The following CLCA1 variants were observed in gnomAD, a reference collection of about 807,000 sequenced individuals.
CLCA1 encodes calcium-activated chloride channel regulator 1.
CLCA1 carries 59 observed loss-of-function variants against 85.6 expected under a neutral mutation model. The observed-to-expected ratio is 0.69, with a 90% CI of 0.56 to 0.86. The LOEUF (loss-of-function observed/expected upper bound fraction) is 0.86, where lower values mean the gene tolerates loss of function less well. Among genes scored for constraint, CLCA1 ranks in the 40% least tolerant of loss-of-function variants. The probability of loss-of-function intolerance (pLI) is 0.00; values close to 1 mark genes in which losing one functional copy is unlikely to be tolerated. For missense variants in CLCA1, 1,022 were observed against 1,101.4 expected (o/e 0.93, Z 1.02); for synonymous variants, 396 against 398.3 (o/e 0.99, Z 0.07).
chr1:86,472,785 T>G, intron 1 of CLCA1, among the ~76,000 whole-genome samples: 1 of 151,978 alleles, frequency 6.6e-6, no homozygotes, highest in East Asian at 1.9e-4. Context: ...AAAAGAAAAA[T>G]GAATCAATAA....
At chr1:86,485,606 T>A (rs765452352) in intron 6 of CLCA1, 45 bp downstream of exon 6, 3 of 1,553,814 alleles carry the variant, frequency 1.9e-6, no homozygotes, top group South Asian at 1.1e-5. Flanking sequence ...GTCACAGATA[T>A]GCATGTTCTG....
intron 4 of CLCA1, among the ~76,000 whole-genome samples, chr1:86,476,843 A>G (rs193067742): frequency 5.1e-4 from 78 of 152,166 alleles, no homozygotes; most frequent in African/African-American, 1.7e-3. Flanking sequence ...TGTCTCCATC[A>G]TCCCATACCA....
At chr1:86,471,115 C>T (rs1232633806) in intron 1 of CLCA1, among the ~76,000 whole-genome samples, 1 of 152,092 alleles carries the variant, frequency 6.6e-6, no homozygotes, top group African/African-American at 2.4e-5. Context: ...ACACACACGC[C>T]CATGCACACA....
intron 4 of CLCA1, among the ~76,000 whole-genome samples, chr1:86,478,278 T>C (rs1400458270): frequency 5.3e-5 from 8 of 151,928 alleles, no homozygotes; most frequent in Non-Finnish European, 1.0e-4. Context: ...TACAAAAAAA[T>C]TGGCCATGTG....
At chr1:86,495,959 C>A (rs546651836) in intron 12 of CLCA1, among the ~76,000 whole-genome samples, 2 of 152,276 alleles carry the variant, frequency 1.3e-5, no homozygotes, top group East Asian at 1.9e-4. Flanking sequence ...CTTAGGGGGG[C>A]AAACTAGCCT....
intron 1 of CLCA1, among the ~76,000 whole-genome samples, chr1:86,470,100 C>T (rs1262597053): frequency 1.3e-5 from 2 of 152,172 alleles, no homozygotes; most frequent in African/African-American, 4.8e-5. Flanking sequence ...TTGGCTCTCT[C>T]TAGATGGAAA....
intron 7 of CLCA1, among the ~76,000 whole-genome samples, chr1:86,488,687 G>A (rs1221634493): frequency 6.6e-6 from 1 of 152,146 alleles, no homozygotes; most frequent in Non-Finnish European, 1.5e-5. Context: ...ATCAAGGAGA[G>A]ACCAAGTGAA....
intron 1 of CLCA1, among the ~76,000 whole-genome samples, chr1:86,471,087 G>C (rs1555389): frequency 2.0e-5 from 3 of 151,896 alleles, no homozygotes; most frequent in Non-Finnish European, 4.4e-5. Flanking sequence ...CACACCACAC[G>C]CACAAGCTCG....
At position 86,473,767 on chromosome 1, in the gene CLCA1, T is replaced by C. The variant is rs1292350407; in HGVS notation, c.342T>C (p.Asn114=). The C allele has an allele frequency of 6.2e-7, 1 of 1,602,320 alleles. No individual in the cohort carries two copies. Among genetic ancestry groups the C allele is most frequent in the Non-Finnish European group, 8.5e-7 (1 of 1,174,200 alleles). ...VLVAESTPPG[N]DEPYTEQMGN... ...TTGCTGAGTCTACTCCTCCAGGTAA[T>C]GATGAACCCTACACTGAGCAGATGG... Residue 114 remains asparagine, a synonymous_variant, in exon 3 of 14, where the codon AAT becomes AAC. Transcript: ENST00000394711.
chr1:86,489,738 A>G (rs1235669566), intron 8 of CLCA1, among the ~76,000 whole-genome samples: 2 of 152,240 alleles, frequency 1.3e-5, no homozygotes, highest in East Asian at 3.8e-4. Flanking sequence ...AGATGGTTAA[A>G]ATAGATTCCA....
rs1458540892 is a variant in CLCA1, at chr1:86,476,472, C to T, written c.476C>T (p.Ala159Val). 6.2e-6 allele frequency: 10 copies of T among 1,600,964 alleles called. No homozygotes were observed. The highest frequency in any genetic ancestry group is 5.0e-5 in the Admixed American group (3 of 59,836). Residue 159 changes from alanine to valine, a missense_variant, in exon 4 of 14, where the codon GCT (alanine) becomes GTT (valine). Ala to Val is a moderately conservative substitution (Grantham distance 64). Coordinates refer to ENST00000394711, the MANE Select transcript of CLCA1 (RefSeq NM_001285.4). ...PQGRAFVHEW[A>V]HLRWGVFDEY... ...GGTAGGGCATTTGTCCATGAGTGGG[C>T]TCATCTACGATGGGGAGTATTTGAC...
rs150266789 is a variant in CLCA1, at chr1:86,482,267, C to G, written c.620C>G (p.Thr207Ser). ...VKKCQGGSCYTKRCTFNKVTG... is the reference protein window; with the variant it reads ...VKKCQGGSCYSKRCTFNKVTG... ...AAGTGTCAGGGAGGCAGCTGTTACACCAAAAGATGCACATTCAATAAAGTA... is the reference window on the plus strand; with the variant it reads ...AAGTGTCAGGGAGGCAGCTGTTACAGCAAAAGATGCACATTCAATAAAGTA... The change falls in exon 5 of 14, where the codon ACC becomes AGC. Residue 207 changes from threonine to serine, a missense_variant. Thr to Ser is a moderately conservative substitution (Grantham distance 58). Coordinates refer to ENST00000394711, the MANE Select transcript of CLCA1 (RefSeq NM_001285.4). 5.6e-6 allele frequency: 9 copies of G among 1,613,706 alleles called. No homozygotes were observed. The highest frequency in any genetic ancestry group is 7.6e-6 in the Non-Finnish European group (9 of 1,179,744).
chr1:86,474,580 C>T (rs938125003), intron 3 of CLCA1, among the ~76,000 whole-genome samples: 2 of 150,972 alleles, frequency 1.3e-5, no homozygotes, highest in East Asian at 3.9e-4. Context: ...GGGGGATTCT[C>T]ATTCATTAGG....
At chr1:86,484,100 C>T (rs1364116430) in intron 5 of CLCA1, among the ~76,000 whole-genome samples, 2 of 152,312 alleles carry the variant, frequency 1.3e-5, no homozygotes, top group South Asian at 2.1e-4. Flanking sequence ...CCAATCACCT[C>T]CCACCAGATC....
In CLCA1 at chr1:86,498,703, G is replaced by T. The variant is rs370661878; in HGVS notation, c.2245G>T (p.Asp749Tyr). The T allele has an allele frequency of 1.1e-5, 17 of 1,614,060 alleles. No homozygotes were observed. Among genetic ancestry groups the T allele is most frequent in the East Asian group, 2.2e-5 (1 of 44,870 alleles). ...ASDVPNAPIPDLFPPGQITDL... is the reference protein window; with the variant it reads ...ASDVPNAPIPYLFPPGQITDL... Reference sequence around the variant, plus strand: ...TGATGTCCCAAATGCTCCCATACCTGATCTCTTCCCACCTGGCCAAATCAC... The same window carrying T: ...TGATGTCCCAAATGCTCCCATACCTTATCTCTTCCCACCTGGCCAAATCAC... Residue 749 changes from aspartate (D) to tyrosine (Y), a missense_variant, in exon 13 of 14, where the codon GAT becomes TAT. By Grantham distance (160) the Asp-to-Tyr change is radical. Transcript: ENST00000394711.
In CLCA1 at chr1:86,476,476, T is replaced by C; in HGVS notation, c.480T>C (p.His160=). The C allele has an allele frequency of 1.2e-6, 2 of 1,604,080 alleles. No homozygotes were observed. Among genetic ancestry groups the C allele is most frequent in the Non-Finnish European group, 1.7e-6 (2 of 1,171,136 alleles). Reference sequence around the variant, plus strand: ...GGGCATTTGTCCATGAGTGGGCTCATCTACGATGGGGAGTATTTGACGAGT... The same window carrying C: ...GGGCATTTGTCCATGAGTGGGCTCACCTACGATGGGGAGTATTTGACGAGT... ...QGRAFVHEWA[H]LRWGVFDEYN... The change falls in exon 4 of 14, where the codon CAT becomes CAC. Residue 160 remains histidine (H), a synonymous_variant. Transcript: ENST00000394711.
At chr1:86,478,521 T>C (rs569377717) in intron 4 of CLCA1, among the ~76,000 whole-genome samples, 2 of 152,306 alleles carry the variant, frequency 1.3e-5, no homozygotes, top group South Asian at 4.1e-4. Flanking sequence ...CTGTACACTC[T>C]GCACTACATG....
chr1:86,488,895 T>C (rs1007496960), intron 7 of CLCA1, 101 bp from the exon 8 acceptor site: 50 of 963,778 alleles, frequency 5.2e-5, no homozygotes, highest in Admixed American at 3.4e-4. Flanking sequence ...ATTTTGGTTA[T>C]TCCCTCTAGA....
intron 3 of CLCA1, among the ~76,000 whole-genome samples, chr1:86,474,778 C>T (rs1436907664): frequency 6.6e-6 from 1 of 152,018 alleles, no homozygotes; most frequent in Non-Finnish European, 1.5e-5. Context: ...GTACATATAA[C>T]AATTATTGGA....
Sources: gnomAD v4.1 joint callset for allele counts (sites outside exome capture counted in the v4.1 genomes callset) on GRCh38, gnomAD v4.1.1 for gene constraint, MANE v1.5 for transcripts, NCBI Gene and HGNC (gene_info 2026-07-23, HGNC 2026-07-21) for gene names.